The following RBPJ variants were observed in gnomAD, a reference collection of about 807,000 sequenced individuals.
RBPJ encodes the protein recombining binding protein suppressor of hairless.
A neutral mutation model predicts 67.8 loss-of-function variants in RBPJ; 9 were observed. The ratio of observed to expected loss-of-function variants is 0.13; its 90% CI spans 0.08 to 0.23. The LOEUF is 0.23. Among genes scored for constraint, RBPJ ranks in the 10% least tolerant of loss-of-function variants. The probability of loss-of-function intolerance (pLI) is 1.00; values close to 1 mark genes in which losing one functional copy is unlikely to be tolerated. For synonymous variants in RBPJ, 198 were observed against 203.3 expected (o/e 0.97, Z 0.22); for missense variants, 305 against 595.6 (o/e 0.51, Z 5.08).
chr4:26,272,402 C>CA (rs569684676), intron 1 of RBPJ, among the ~76,000 whole-genome samples: 6 of 151,690 alleles, frequency 4.0e-5, no homozygotes, highest in Non-Finnish European at 5.9e-5. Flanking sequence ...TCCATCTGTA[C>CA]AAAAAAAATT....
rs544268350 is a variant in RBPJ at position 26,236,630 on chromosome 4, C to T, written c.-167+73016C>T. On this transcript the variant is annotated intron_variant, in intron 1 of 4. Coordinates refer to the RBPJ transcript ENST00000512351. ...ATCCAGAGCAAGCAATTCAAGAGAC[C>T]AAGATGGAAGCTCAATGACTTTATT... is the stretch of plus-strand genomic sequence containing the variant. 2.0e-5 allele frequency among the ~76,000 whole-genome samples: 3 copies of T among 152,206 alleles called. No homozygotes were observed. The East Asian group carries it at 5.8e-4, about 29-fold the overall frequency.
chr4:26,270,355 G>GAGAA lies in RBPJ; in HGVS notation c.-166-92010_-166-92007dup, dbSNP rs1179109682. On this transcript the variant is annotated intron_variant, in intron 1 of 4. Coordinates refer to the RBPJ transcript ENST00000512351. ...GGGAGGGGAGGGAGGGAGAGAGCAA[G>GAGAA]AGAAAGAAAGAAAGAAAGAAAGAAA... Among the ~76,000 whole-genome samples, 395 of 52,064 alleles carry GAGAA rather than the reference G, an allele frequency of 7.6e-3. 10 individuals are homozygous for GAGAA. The highest frequency in any genetic ancestry group is 0.012 in the African/African-American group (124 of 10,764). 34.2% of individuals were successfully genotyped at this position (52,064 alleles called of 152,430 possible).
intron 1 of RBPJ, among the ~76,000 whole-genome samples, chr4:26,246,973 CTTTTTT>C (rs56160527): frequency 8.2e-6 from 1 of 121,964 alleles, no homozygotes; most frequent in African/African-American, 3.1e-5. Flanking sequence ...ACATAATACG[CTTTTTT>C]TTTTTTTTTT....
chr4:26,138,104 A>G, the RBPJ span, among the ~76,000 whole-genome samples: 1 of 150,742 alleles, frequency 6.6e-6, no homozygotes, highest in Non-Finnish European at 1.5e-5. Context: ...AACTGCCAGG[A>G]GACCACTGTG....
chr4:26,243,569 AC>A (rs1162811025), intron 1 of RBPJ, among the ~76,000 whole-genome samples: 3 of 152,206 alleles, frequency 2.0e-5, no homozygotes, highest in African/African-American at 7.2e-5. Flanking sequence ...AATTTAGTAA[AC>A]CAATATTTTC....
At chr4:26,256,176 T>G (rs149066803) in intron 1 of RBPJ, among the ~76,000 whole-genome samples, 157 of 152,156 alleles carry the variant, frequency 1.0e-3, no homozygotes, top group Non-Finnish European at 1.4e-3. Flanking sequence ...CATGTTATAG[T>G]GTTTATTTTC....
At chr4:26,114,513 A>T in the RBPJ span, among the ~76,000 whole-genome samples, 1 of 147,270 alleles carries the variant, frequency 6.8e-6, no homozygotes, top group East Asian at 1.9e-4. Flanking sequence ...GTGTGTGTGT[A>T]TGAAAAGTCC....
intron 1 of RBPJ, chr4:26,362,312 C>T (rs1377426213): frequency 8.3e-6 from 3 of 359,936 alleles, no homozygotes; most frequent in African/African-American, 6.3e-5. Context: ...TGAGGGTTCA[C>T]ATTAAAAATG....
chr4:26,153,556 T>G, the RBPJ span, among the ~76,000 whole-genome samples: 111 of 152,252 alleles, frequency 7.3e-4, 2 homozygotes, highest in Admixed American at 5.9e-3. Context: ...GGCATGCTAG[T>G]GGATAGCTTT....
intron 1 of RBPJ, among the ~76,000 whole-genome samples, chr4:26,212,246 A>T (rs907429653): frequency 6.6e-6 from 1 of 152,108 alleles, no homozygotes; most frequent in Non-Finnish European, 1.5e-5. Flanking sequence ...TAGGGTGGTC[A>T]GGGAAGATGT....
At chr4:26,190,726 T>C (rs569511875) in intron 1 of RBPJ, among the ~76,000 whole-genome samples, 3 of 152,296 alleles carry the variant, frequency 2.0e-5, no homozygotes, top group African/African-American at 7.2e-5. Context: ...TTGACCCTTC[T>C]CTGTAACAGC....
intron 1 of RBPJ, among the ~76,000 whole-genome samples, chr4:26,192,469 TCA>T (rs202002351): frequency 0.012 from 1,825 of 152,282 alleles, 37 homozygotes; most frequent in African/African-American, 0.041. Context: ...TTAAATGCAA[TCA>T]CAGAACAAAA....
the RBPJ span, among the ~76,000 whole-genome samples, chr4:26,136,650 A>C: frequency 6.6e-6 from 1 of 152,234 alleles, no homozygotes; most frequent in Non-Finnish European, 1.5e-5. Flanking sequence ...ACAGAAAAGA[A>C]AAGTTATCAT....
chr4:26,401,069 G>A (rs1424130346), intron 2 of RBPJ, among the ~76,000 whole-genome samples: 4 of 152,208 alleles, frequency 2.6e-5, no homozygotes, highest in Non-Finnish European at 4.4e-5. Context: ...TTTGTGTACT[G>A]TTGAAGGTTG....
chr4:26,142,136 C>T, the RBPJ span, among the ~76,000 whole-genome samples: 2 of 152,232 alleles, frequency 1.3e-5, no homozygotes, highest in Non-Finnish European at 2.9e-5. Flanking sequence ...CCCAGGAGCC[C>T]CACTGCTAAG....
intron 1 of RBPJ, among the ~76,000 whole-genome samples, chr4:26,270,440 G>GAAAGAAAGAAAGAAAGAAAGAAA: frequency 1.0e-5 from 1 of 95,528 alleles, no homozygotes; most frequent in African/African-American, 4.4e-5. Flanking sequence ...AAAGAAAGAA[G>GAAAGAAAGAAAGAAAGAAAGAAA]AAAGAAAGAA....
chr4:26,418,250 T>A (rs1311486413), intron 4 of RBPJ, among the ~76,000 whole-genome samples: 1 of 152,240 alleles, frequency 6.6e-6, no homozygotes, highest in African/African-American at 2.4e-5. Flanking sequence ...TGCCATTTTC[T>A]CTTCTAGAAT....
intron 1 of RBPJ, among the ~76,000 whole-genome samples, chr4:26,253,743 A>T (rs1720197672): frequency 6.7e-6 from 1 of 149,014 alleles, no homozygotes; most frequent in Non-Finnish European, 1.5e-5. Flanking sequence ...TGTATGTAAA[A>T]TAGAGCTAAA....
intron 1 of RBPJ, among the ~76,000 whole-genome samples, chr4:26,313,841 A>AAAAT (rs1050101567): frequency 3.7e-4 from 57 of 152,276 alleles, no homozygotes; most frequent in African/African-American, 1.2e-3. Context: ...TGTCCCCAAA[A>AAAAT]AAATAAATAA....
Sources: gnomAD v4.1 joint callset for allele counts (sites outside exome capture counted in the v4.1 genomes callset) on GRCh38, gnomAD v4.1.1 for gene constraint, MANE v1.5 for transcripts, NCBI Gene and HGNC (gene_info 2026-07-23, HGNC 2026-07-21) for gene names.